AUTS2: variants seen among roughly 807,000 people sequenced by gnomAD.
AUTS2 encodes activator of transcription and developmental regulator AUTS2, also known as autism susceptibility gene 2 protein.
In AUTS2, 17 loss-of-function variants were observed where a neutral mutation model predicts 112.4. That is an observed-to-expected ratio of 0.15 (90% CI 0.10 to 0.23). AUTS2 has a LOEUF of 0.23. AUTS2 is among the 10% of genes least tolerant of loss of function. The pLI is 1.00. For synonymous variants in AUTS2, 751 were observed against 702.7 expected (o/e 1.07, Z -1.09); for missense variants, 1,510 against 1,701.6 (o/e 0.89, Z 1.98).
chr7:70,415,322 A>G (rs1794944668), intron 4 of AUTS2, among the ~76,000 whole-genome samples: 1 of 152,176 alleles, frequency 6.6e-6, no homozygotes, highest in Non-Finnish European at 1.5e-5. Context: ...TGTCAACTGG[A>G]AAATATAGTC....
chr7:69,944,906 C>A (rs1796752415), intron 2 of AUTS2, among the ~76,000 whole-genome samples: 1 of 151,996 alleles, frequency 6.6e-6, no homozygotes, highest in Admixed American at 6.6e-5. Context: ...GGATCTGCAC[C>A]CTTTCTTAGC....
chr7:69,600,256 C>G (rs925976552), intron 1 of AUTS2, among the ~76,000 whole-genome samples: 24 of 152,068 alleles, frequency 1.6e-4, no homozygotes, highest in Non-Finnish European at 2.8e-4. Flanking sequence ...GTTCGGGCAT[C>G]ACAACAATGC....
At chr7:69,802,451 G>A (rs778398731) in intron 1 of AUTS2, among the ~76,000 whole-genome samples, 6 of 152,104 alleles carry the variant, frequency 3.9e-5, no homozygotes, top group East Asian at 1.9e-4. Flanking sequence ...GATTGATAAC[G>A]GAAGGGCTTT....
intron 1 of AUTS2, among the ~76,000 whole-genome samples, chr7:69,660,678 A>T (rs759200870): frequency 5.9e-5 from 9 of 152,248 alleles, no homozygotes; most frequent in East Asian, 1.9e-4. Context: ...GTGGCCTGTA[A>T]TCCCAGCACT....
In AUTS2 at chr7:70,419,857, C is replaced by G. The variant is rs537407867; in HGVS notation, c.661-15895C>G. 2.6e-4 allele frequency among the ~76,000 whole-genome samples: 39 copies of G among 152,220 alleles called. No homozygotes were observed. The South Asian group carries it at 5.2e-3, about 20-fold the overall frequency. On this transcript the variant is annotated intron_variant, in intron 4 of 18. Transcript: ENST00000342771. ...TTTTTAATCTGCATTTCTTTGATTA[C>G]TAGTGAGGTGGAACATTTTTTTCGT... is the stretch of plus-strand genomic sequence containing the variant.
At chr7:70,620,295 A>G (rs1043759436) in intron 5 of AUTS2, among the ~76,000 whole-genome samples, 19 of 152,146 alleles carry the variant, frequency 1.2e-4, no homozygotes, top group Admixed American at 7.2e-4. Context: ...TGAAAACACA[A>G]TCATATTCCC....
At chr7:70,376,469 C>T (rs1337429264) in intron 4 of AUTS2, among the ~76,000 whole-genome samples, 2 of 151,904 alleles carry the variant, frequency 1.3e-5, no homozygotes, top group African/African-American at 4.8e-5. Context: ...GGCCGGCACA[C>T]CGTAGTTGGC....
intron 5 of AUTS2, among the ~76,000 whole-genome samples, chr7:70,606,762 T>C (rs1301317448): frequency 6.6e-6 from 1 of 150,836 alleles, no homozygotes; most frequent in Non-Finnish European, 1.5e-5. Flanking sequence ...CTAGGGAGAC[T>C]GAGGCAGGAG....
intron 2 of AUTS2, among the ~76,000 whole-genome samples, chr7:70,083,830 C>A (rs1205527400): frequency 6.6e-6 from 1 of 152,034 alleles, no homozygotes; most frequent in African/African-American, 2.4e-5. Flanking sequence ...ATCTGTAGTC[C>A]CAGCTACTCA....
intron 1 of AUTS2, among the ~76,000 whole-genome samples, chr7:69,628,387 A>C (rs1794064310): frequency 1.3e-5 from 2 of 152,244 alleles, no homozygotes; most frequent in South Asian, 4.1e-4. Context: ...GCTTCTAGCA[A>C]TAGTGGAACT....
chr7:70,272,652 G>T (rs1311126216), intron 4 of AUTS2, among the ~76,000 whole-genome samples: 1 of 151,648 alleles, frequency 6.6e-6, no homozygotes, highest in Non-Finnish European at 1.5e-5. Context: ...TAACTATTTT[G>T]CATCCATGGA....
chr7:69,983,284 TGGGG>T (rs1798371316), intron 2 of AUTS2, among the ~76,000 whole-genome samples: 2 of 152,196 alleles, frequency 1.3e-5, no homozygotes, highest in Non-Finnish European at 2.9e-5. Flanking sequence ...ACAATCTCTG[TGGGG>T]TTTTATTATA....
At chr7:69,875,738 AC>A (rs1320321362) in intron 1 of AUTS2, among the ~76,000 whole-genome samples, 1 of 152,208 alleles carries the variant, frequency 6.6e-6, no homozygotes, top group African/African-American at 2.4e-5. Flanking sequence ...ACTTTCCATC[AC>A]AGGTTCAGAC....
At chr7:70,299,950 C>T (rs914832356) in intron 4 of AUTS2, among the ~76,000 whole-genome samples, 2 of 151,936 alleles carry the variant, frequency 1.3e-5, no homozygotes, top group African/African-American at 4.8e-5. Flanking sequence ...GTCAATGACA[C>T]AGAAATCACT....
chr7:70,593,476 A>T (rs1405212010), intron 5 of AUTS2, among the ~76,000 whole-genome samples: 1 of 152,094 alleles, frequency 6.6e-6, no homozygotes, highest in East Asian at 1.9e-4. Context: ...CTAGGCCCTT[A>T]GTCACATACA....
At chr7:70,252,232 AG>A (rs1786639418) in intron 4 of AUTS2, among the ~76,000 whole-genome samples, 1 of 152,162 alleles carries the variant, frequency 6.6e-6, no homozygotes, top group Non-Finnish European at 1.5e-5. Context: ...GGCTGTATTA[AG>A]TTACATTCCC....
At chr7:70,561,779 T>C (rs1801497170) in intron 5 of AUTS2, among the ~76,000 whole-genome samples, 1 of 152,102 alleles carries the variant, frequency 6.6e-6, no homozygotes, top group South Asian at 2.1e-4. Context: ...GGAAGGAAAA[T>C]CCTTTCCGGG....
chr7:70,793,499 C>T lies in AUTS2; in HGVS notation c.*2503C>T, dbSNP rs924017726. Reference sequence around the variant, plus strand: ...AAAAAAATGTTAAATTTTCTTATACCGACCTGATGAAATTGCTATTTGGAT... The same window carrying T: ...AAAAAAATGTTAAATTTTCTTATACTGACCTGATGAAATTGCTATTTGGAT... On this transcript the variant is annotated 3_prime_UTR_variant, in exon 19 of 19. Transcript: ENST00000342771. 1 of 151,900 alleles carries T rather than the reference C, an allele frequency of 6.6e-6. No homozygotes were observed. The highest frequency in any genetic ancestry group is 1.5e-5 in the Non-Finnish European group (1 of 68,002). The allele number at this position is 151,900 out of a possible 1,614,324, so 9.4% of individuals were successfully genotyped here.
chr7:70,732,863 A>C (rs1320436573), intron 6 of AUTS2, among the ~76,000 whole-genome samples: 1 of 152,192 alleles, frequency 6.6e-6, no homozygotes, highest in Non-Finnish European at 1.5e-5. Flanking sequence ...TGTTTATTGT[A>C]GTTATCTGGC....
Sources: allele counts gnomAD v4.1 joint callset (sites outside exome capture counted in the v4.1 genomes callset), GRCh38; gene constraint gnomAD v4.1.1; transcripts MANE v1.5; gene names NCBI Gene and HGNC (gene_info 2026-07-23, HGNC 2026-07-21).